PTH2R: variants seen among roughly 807,000 people sequenced by gnomAD.
PTH2R encodes the protein PTH2 receptor.
PTH2R carries 59 observed loss-of-function variants against 60.3 expected under a neutral mutation model. The observed-to-expected ratio is 0.98, with a 90% CI of 0.79 to 1.22. PTH2R has a LOEUF of 1.22. Among genes scored for constraint, PTH2R ranks in the 50% most tolerant of loss-of-function variants. The pLI, the probability that PTH2R is intolerant of heterozygous loss-of-function variation, is 0.00. For synonymous variants in PTH2R, 256 were observed against 243.8 expected, an observed-to-expected ratio of 1.05 and a Z score of -0.47; for missense variants, 749 against 682.6, an observed-to-expected ratio of 1.10 and a Z score of -1.08.
At chr2:208,427,283 A>G (rs1574862699) in intron 1 of PTH2R, among the ~76,000 whole-genome samples, 1 of 152,220 alleles carries the variant, frequency 6.6e-6, no homozygotes, top group African/African-American at 2.4e-5. Flanking sequence ...GTTTCTAGAG[A>G]ACGAATGGGA....
intron 1 of PTH2R, among the ~76,000 whole-genome samples, chr2:208,408,705 A>G (rs923720064): frequency 1.4e-5 from 2 of 145,904 alleles, no homozygotes; most frequent in African/African-American, 5.0e-5. Flanking sequence ...AAGAAAGAAA[A>G]GAAAGAGAAG....
intron 9 of PTH2R, among the ~76,000 whole-genome samples, chr2:208,468,306 T>C (rs1702799767): frequency 6.6e-6 from 1 of 152,218 alleles, no homozygotes; most frequent in Non-Finnish European, 1.5e-5. Flanking sequence ...TACAATATAC[T>C]GAGCAGTGTT....
intron 1 of PTH2R, among the ~76,000 whole-genome samples, chr2:208,363,528 A>G (rs977678750): frequency 2.6e-5 from 4 of 152,192 alleles, no homozygotes; most frequent in African/African-American, 7.2e-5. Flanking sequence ...TTGGGTATAT[A>G]TCCAGTAATG....
intron 1 of PTH2R, among the ~76,000 whole-genome samples, chr2:208,391,927 C>T (rs908652151): frequency 8.5e-5 from 13 of 152,114 alleles, no homozygotes; most frequent in African/African-American, 2.7e-4. Flanking sequence ...GTATATAATC[C>T]ACATACTGCA....
intron 1 of PTH2R, among the ~76,000 whole-genome samples, chr2:208,401,208 A>C (rs897522254): frequency 5.3e-5 from 8 of 152,152 alleles, no homozygotes; most frequent in African/African-American, 1.9e-4. Flanking sequence ...TATGGGAACT[A>C]TTCCCAAATC....
At chr2:208,430,546 C>CATT (rs1701949316) in intron 2 of PTH2R, among the ~76,000 whole-genome samples, 1 of 118,222 alleles carries the variant, frequency 8.5e-6, no homozygotes, top group Non-Finnish European at 1.8e-5. Context: ...TGTCTGGCTT[C>CATT]TTTTTTTTTT....
intron 8 of PTH2R, among the ~76,000 whole-genome samples, chr2:208,453,158 A>G (rs1329777736): frequency 2.0e-5 from 3 of 152,164 alleles, no homozygotes. Context: ...TAAAACTTCT[A>G]GTTCTTTCTG....
chr2:208,455,832 A>G (rs1329559014), intron 8 of PTH2R, among the ~76,000 whole-genome samples: 1 of 152,178 alleles, frequency 6.6e-6, no homozygotes, highest in East Asian at 1.9e-4. Flanking sequence ...GAAACCTCTG[A>G]TTTTCTCTGC....
chr2:208,368,782 C>T (rs112354698), intron 1 of PTH2R, among the ~76,000 whole-genome samples: 2 of 152,174 alleles, frequency 1.3e-5, no homozygotes, highest in African/African-American at 4.8e-5. Context: ...ATTAATTTGG[C>T]ACTGGGAAGC....
At chr2:208,367,424 CT>C (rs141555131) in intron 1 of PTH2R, among the ~76,000 whole-genome samples, 57 of 128,978 alleles carry the variant, frequency 4.4e-4, no homozygotes, top group African/African-American at 8.4e-4. Context: ...TTTTCTCTTT[CT>C]TTTTTTTTTT....
intron 1 of PTH2R, among the ~76,000 whole-genome samples, chr2:208,401,548 G>A (rs1044810642): frequency 1.3e-5 from 2 of 151,176 alleles, no homozygotes; most frequent in African/African-American, 4.9e-5. Flanking sequence ...ATTCCTTCCT[G>A]TGTATTTTTT....
chr2:208,421,859 C>A (rs1005650813), intron 1 of PTH2R, among the ~76,000 whole-genome samples: 6 of 152,180 alleles, frequency 3.9e-5, no homozygotes, highest in Non-Finnish European at 7.3e-5. Flanking sequence ...AAGCAAAATT[C>A]CTTCTTATAG....
chr2:208,475,996 AT>A (rs1379222055), intron 9 of PTH2R, among the ~76,000 whole-genome samples: 1 of 152,062 alleles, frequency 6.6e-6, no homozygotes, highest in African/African-American at 2.4e-5. Context: ...ACTGAGCTAA[AT>A]TTTTTTTAAA....
intron 1 of PTH2R, among the ~76,000 whole-genome samples, chr2:208,423,144 T>C (rs1241090311): frequency 1.3e-5 from 2 of 152,150 alleles, no homozygotes; most frequent in Admixed American, 6.5e-5. Context: ...GGTTTTATTT[T>C]ACTCTTCTTT....
intron 8 of PTH2R, 143 bp downstream of exon 8, chr2:208,450,952 A>G (rs1329869872): frequency 9.2e-6 from 8 of 866,116 alleles, no homozygotes; most frequent in Non-Finnish European, 1.5e-5. Context: ...ATGCGATGGT[A>G]GCTTCCAACA....
At chr2:208,398,004 A>AT (rs1301964136) in intron 1 of PTH2R, among the ~76,000 whole-genome samples, 1 of 152,228 alleles carries the variant, frequency 6.6e-6, no homozygotes, top group African/African-American at 2.4e-5. Flanking sequence ...GCCTAAAATA[A>AT]TTTTTTAATA....
At chr2:208,486,234 T>C (rs1044338421) in intron 10 of PTH2R, among the ~76,000 whole-genome samples, 1 of 152,220 alleles carries the variant, frequency 6.6e-6, no homozygotes, top group Admixed American at 6.5e-5. Context: ...TAGTTTGTTA[T>C]ACAATAGAAA....
chr2:208,401,632 A>AT (rs1437576524), intron 1 of PTH2R, among the ~76,000 whole-genome samples: 3 of 151,838 alleles, frequency 2.0e-5, no homozygotes, highest in Non-Finnish European at 4.4e-5. Flanking sequence ...CTGTTTTAGA[A>AT]TCCCTCCTGT....
At chr2:208,470,763 G>A (rs1292939673) in intron 9 of PTH2R, among the ~76,000 whole-genome samples, 1 of 152,202 alleles carries the variant, frequency 6.6e-6, no homozygotes, top group African/African-American at 2.4e-5. Flanking sequence ...AAATGTTTAA[G>A]TGACTTTGGA....
Sources: allele counts gnomAD v4.1 joint callset (sites outside exome capture counted in the v4.1 genomes callset), GRCh38; gene constraint gnomAD v4.1.1; transcripts MANE v1.5; gene names NCBI Gene and HGNC (gene_info 2026-07-23, HGNC 2026-07-21).